Variants in JPH3 observed in about 807,000 individuals in gnomAD.
JPH3 encodes junctophilin 3.
A neutral mutation model predicts 59.6 loss-of-function variants in JPH3; 11 were observed. That is an observed-to-expected ratio of 0.18 (90% CI 0.12 to 0.31). The LOEUF (loss-of-function observed/expected upper bound fraction) is 0.31. JPH3 is among the 10% of genes least tolerant of loss of function. JPH3 has a pLI of 1.00. For synonymous variants in JPH3, 673 were observed against 483.6 expected, an observed-to-expected ratio of 1.39 and a Z score of -5.14; for missense variants, 1,202 against 1,105.7, an observed-to-expected ratio of 1.09 and a Z score of -1.24.
At chr16:87,607,598 A>G (rs2030572521) in intron 1 of JPH3, among the ~76,000 whole-genome samples, 1 of 152,274 alleles carries the variant, frequency 6.6e-6, no homozygotes, top group African/African-American at 2.4e-5. Context: ...AGCTCAGATG[A>G]CAGAGGCAGT....
At chr16:87,659,109 C>T (rs1039812837) in intron 2 of JPH3, among the ~76,000 whole-genome samples, 4 of 152,158 alleles carry the variant, frequency 2.6e-5, no homozygotes, top group African/African-American at 9.7e-5. Context: ...TGTGGTGGCT[C>T]ATGCTTGTAA....
At chr16:87,606,806 T>G (rs1378114744) in intron 1 of JPH3, among the ~76,000 whole-genome samples, 1 of 152,224 alleles carries the variant, frequency 6.6e-6, no homozygotes, top group African/African-American at 2.4e-5. Flanking sequence ...GACAGGAGAC[T>G]GGTGATCATG....
intron 2 of JPH3, among the ~76,000 whole-genome samples, chr16:87,657,449 A>G (rs1027766890): frequency 1.3e-5 from 2 of 152,184 alleles, no homozygotes; most frequent in African/African-American, 4.8e-5. Context: ...GTTGAGGGCG[A>G]CGACAGTACC....
chr16:87,634,467 G>A (rs575630373), intron 1 of JPH3, among the ~76,000 whole-genome samples: 1 of 152,224 alleles, frequency 6.6e-6, no homozygotes, highest in Non-Finnish European at 1.5e-5. Flanking sequence ...AGGCCTGGCC[G>A]CCTTCCCAGT....
At chr16:87,657,473 G>C (rs554173623) in intron 2 of JPH3, among the ~76,000 whole-genome samples, 1 of 152,172 alleles carries the variant, frequency 6.6e-6, no homozygotes, top group Non-Finnish European at 1.5e-5. Flanking sequence ...CAAGTGGACC[G>C]GTGACCGATG....
rs770804225 is a variant in JPH3, at chr16:87,603,272, G to C, written c.126G>C (p.Ser42=). The change falls in exon 1 of 5, where the codon TCG becomes TCC. Residue 42 remains serine (S), a synonymous_variant. Coordinates refer to ENST00000284262, the MANE Select transcript of JPH3 (RefSeq NM_020655.4). Reference sequence around the variant, plus strand: ...AGGGCCAAGGCGAATACACCGGCTCGTGGAGCCACGGCTTCGAGGTGCTGG... The same window carrying C: ...AGGGCCAAGGCGAATACACCGGCTCCTGGAGCCACGGCTTCGAGGTGCTGG... ...GPKGQGEYTG[S]WSHGFEVLGV... is the part of the protein sequence containing the mutation. 1.9e-6 allele frequency: 3 copies of C among 1,613,374 alleles called. No homozygotes were observed. The highest frequency in any genetic ancestry group is 1.7e-4 in the Middle Eastern group (1 of 6,050).
chr16:87,638,780 G>A (rs1224309768), intron 1 of JPH3, among the ~76,000 whole-genome samples: 1 of 152,216 alleles, frequency 6.6e-6, no homozygotes, highest in East Asian at 1.9e-4. Context: ...CAGCCATAGA[G>A]TGCTGAGAAT....
chr16:87,634,388 G>A (rs570531044), intron 1 of JPH3, among the ~76,000 whole-genome samples: 1 of 152,302 alleles, frequency 6.6e-6, no homozygotes, highest in South Asian at 2.1e-4. Context: ...AGCCTGAGGG[G>A]TGTCAGAGCC....
chr16:87,652,914 T>G (rs898233175), intron 2 of JPH3, among the ~76,000 whole-genome samples: 2 of 152,216 alleles, frequency 1.3e-5, no homozygotes, highest in Non-Finnish European at 2.9e-5. Context: ...CAGACACAGC[T>G]AATTGGTGGC....
chr16:87,682,531 CCATGTG>C (rs2033321258), intron 2 of JPH3, among the ~76,000 whole-genome samples: 1 of 152,170 alleles, frequency 6.6e-6, no homozygotes. Context: ...GCTTCTTCTA[CCATGTG>C]AGCACCCAGC....
chr16:87,613,682 C>A (rs527386494), intron 1 of JPH3, among the ~76,000 whole-genome samples: 3 of 152,150 alleles, frequency 2.0e-5, no homozygotes, highest in Non-Finnish European at 4.4e-5. Flanking sequence ...GACTTGGAAC[C>A]TGAAGCTATA....
intron 1 of JPH3, among the ~76,000 whole-genome samples, chr16:87,627,761 G>C (rs1282965306): frequency 1.3e-5 from 2 of 152,224 alleles, no homozygotes; most frequent in Non-Finnish European, 2.9e-5. Context: ...GCCAGGATCC[G>C]AGCTCAGATT....
At chr16:87,616,407 G>T (rs1248277331) in intron 1 of JPH3, among the ~76,000 whole-genome samples, 12 of 134,934 alleles carry the variant, frequency 8.9e-5, no homozygotes, top group Non-Finnish European at 1.3e-4. Flanking sequence ...TTAAGTTTTT[G>T]TATTTTTTTT....
intron 1 of JPH3, among the ~76,000 whole-genome samples, chr16:87,639,666 T>A (rs113376987): frequency 1.4e-5 from 1 of 71,692 alleles, no homozygotes; most frequent in Non-Finnish European, 3.4e-5. Context: ...CTGTCCTCCC[T>A]CCTGTCCTCC....
chr16:87,629,166 C>G (rs377426927), intron 1 of JPH3, among the ~76,000 whole-genome samples: 3 of 152,116 alleles, frequency 2.0e-5, no homozygotes, highest in East Asian at 3.9e-4. Context: ...GACTCCATGC[C>G]TGCTGCTGTC....
intron 1 of JPH3, among the ~76,000 whole-genome samples, chr16:87,618,611 C>G (rs977923247): frequency 6.6e-6 from 1 of 152,224 alleles, no homozygotes; most frequent in African/African-American, 2.4e-5. Context: ...CTCGTTCCCG[C>G]CAGCAGCATG....
intron 2 of JPH3, among the ~76,000 whole-genome samples, chr16:87,649,711 A>G (rs776998487): frequency 4.6e-5 from 7 of 152,170 alleles, no homozygotes; most frequent in Non-Finnish European, 1.0e-4. Context: ...GATGGGGCAG[A>G]TTGTAGCCCG....
rs142273999 is a variant in JPH3 at position 87,644,642 on chromosome 16, C to A, written c.767C>A (p.Thr256Lys). 3 of 1,611,782 alleles carry A rather than the reference C, an allele frequency of 1.9e-6. No homozygotes were observed. The highest frequency in any genetic ancestry group is 1.7e-6 in the Non-Finnish European group (2 of 1,179,916). The change falls in exon 2 of 5, where the codon ACG becomes AAG. Residue 256 changes from threonine (T) to lysine (K), a missense_variant. By Grantham distance (78) the Thr-to-Lys change is moderately conservative. Transcript: ENST00000284262. ...GCGGGCATGAGCACCGTCAGCTCCA[C>A]GGCCAGCGACATCCACTCCACCATC... is the stretch of plus-strand genomic sequence containing the variant. ...SEAGMSTVSS[T>K]ASDIHSTISL...
chr16:87,691,534 C>G (rs755092416), intron 4 of JPH3, among the ~76,000 whole-genome samples: 2 of 152,152 alleles, frequency 1.3e-5, no homozygotes, highest in African/African-American at 2.4e-5. Context: ...TTATTGTCGA[C>G]GCTGCGGCAG....
Sources: allele counts gnomAD v4.1 joint callset (sites outside exome capture counted in the v4.1 genomes callset), GRCh38; gene constraint gnomAD v4.1.1; transcripts MANE v1.5; gene names NCBI Gene and HGNC (gene_info 2026-07-23, HGNC 2026-07-21).